Variants in TEX2 observed in about 807,000 individuals in gnomAD.
The protein encoded by TEX2 is testis-expressed protein 2.
A neutral mutation model predicts 106.9 loss-of-function variants in TEX2; 53 were observed. The ratio of observed to expected loss-of-function variants is 0.50; its 90% CI spans 0.40 to 0.62. The LOEUF (loss-of-function observed/expected upper bound fraction) is 0.62. Among genes scored for constraint, TEX2 ranks in the 20% least tolerant of loss-of-function variants. TEX2 has a pLI of 0.00. For synonymous variants in TEX2, 523 were observed against 534.8 expected (o/e 0.98, Z 0.30); for missense variants, 1,207 against 1,379.0 (o/e 0.88, Z 1.98).
At chr17:64,154,997 C>T in intron 8 of TEX2, 30 bp from the exon 9 acceptor site, 2 of 1,529,778 alleles carry the variant, frequency 1.3e-6, no homozygotes, top group Non-Finnish European at 1.7e-6. Flanking sequence ...CCACCACTGC[C>T]TGCCCTCACC....
chr17:64,213,498 G>A lies in TEX2; in HGVS notation c.720C>T (p.Ser240=). 1 of 1,614,126 alleles carries A rather than the reference G, an allele frequency of 6.2e-7. No individual in the cohort carries two copies. The highest frequency in any genetic ancestry group is 1.1e-5 in the South Asian group (1 of 91,086). Reference sequence around the variant, plus strand: ...GCTTGAACAGGTGTAAGTTCAGTTTGGAATCAGGTGGCTTATAGGACACTG... The same window carrying A: ...GCTTGAACAGGTGTAAGTTCAGTTTAGAATCAGGTGGCTTATAGGACACTG... ...SDTVSYKPPD[S]KLNLHLFKQF... Residue 240 remains serine (S), a synonymous_variant, in exon 2 of 12, where the codon TCC becomes TCT. Coordinates refer to ENST00000584379, the MANE Select transcript of TEX2 (RefSeq NM_001288732.2). This position sits in a 1 kb window ranked among gnomAD's most constrained non-coding sequence, Gnocchi z 4.4.
intron 8 of TEX2, chr17:64,155,819 C>A (rs12945779): frequency 0.44 from 67,603 of 151,938 alleles, 18,437 homozygotes; most frequent in East Asian, 0.82. Context: ...GACCTGGGGG[C>A]TTCTGGGCTG....
chr17:64,150,999 A>G (rs769736928), intron 10 of TEX2, 38 bp from the exon 11 acceptor site: 157 of 1,608,814 alleles, frequency 9.8e-5, no homozygotes, highest in Non-Finnish European at 1.5e-5. Context: ...TTAGAAGCAA[A>G]GCAAGGAATG....
intron 11 of TEX2, chr17:64,149,479 C>T (rs548136368): frequency 5.8e-4 from 93 of 161,176 alleles, no homozygotes; most frequent in African/African-American, 2.2e-3. Flanking sequence ...TAAATCCTAG[C>T]GATAAAATGT....
chr17:64,149,000 T>C lies in TEX2; in HGVS notation c.3353A>G (p.Asp1118Gly). 1 of 1,614,154 alleles carries C rather than the reference T, an allele frequency of 6.2e-7. No individual in the cohort carries two copies. Residue 1118 changes from aspartate (D) to glycine (G), a missense_variant, in exon 12 of 12, where the codon GAC becomes GGC. By Grantham distance (94) the Asp-to-Gly change is moderately conservative (BLOSUM62 -1). This residue lies in a region of TEX2 where 77 missense variants were observed against 73.2 expected (regional missense o/e 1.05). Transcript: ENST00000584379. ...CTGATCAGCAGCCTCCACAGGTGGG[T>C]CTTTCAGGAGGCAGGAAGTAGAGCG... ...DPRSTSCLLK[D>G]PPVEAADQP
Position 64,219,128 on chromosome 17 carries a change from A to G in TEX2, c.-25-4886T>C, listed in dbSNP as rs532271974. ...GACTAAGGACCAGCAGAAATAGAATATAACAGAAAAATAAGGACTTCAGAT... is the reference window on the plus strand; with the variant it reads ...GACTAAGGACCAGCAGAAATAGAATGTAACAGAAAAATAAGGACTTCAGAT... On this transcript the variant is annotated intron_variant, in intron 1 of 11. Transcript: ENST00000584379. Among the ~76,000 whole-genome samples, 12 of 152,342 alleles carry G rather than the reference A, an allele frequency of 7.9e-5. No homozygotes were observed. The South Asian group carries it at 2.1e-3, about 26-fold the overall frequency.
intron 1 of TEX2, among the ~76,000 whole-genome samples, chr17:64,243,601 C>T (rs191291626): frequency 6.6e-5 from 10 of 152,242 alleles, no homozygotes; most frequent in South Asian, 6.2e-4. Flanking sequence ...CCCAGCTGAA[C>T]GCTTTAACAC....
chr17:64,255,601 T>C (rs905305932), intron 1 of TEX2: 1 of 152,222 alleles, frequency 6.6e-6, no homozygotes, highest in African/African-American at 2.4e-5. Flanking sequence ...TTGAAAAACT[T>C]AGTCAATTAT....
At chr17:64,261,874 G>A (rs1487220456) in intron 1 of TEX2, among the ~76,000 whole-genome samples, 8 of 152,162 alleles carry the variant, frequency 5.3e-5, no homozygotes, top group African/African-American at 1.7e-4. Context: ...TAACAGAAAT[G>A]GCAGTTTCAT....
At chr17:64,232,175 C>A (rs1276072123) in intron 1 of TEX2, among the ~76,000 whole-genome samples, 2 of 152,156 alleles carry the variant, frequency 1.3e-5, no homozygotes, top group Non-Finnish European at 2.9e-5. Flanking sequence ...TAAATGAACA[C>A]AACAGGATCC....
At chr17:64,159,707 T>C (rs2030797487) in intron 8 of TEX2, among the ~76,000 whole-genome samples, 1 of 152,122 alleles carries the variant, frequency 6.6e-6, no homozygotes, top group Non-Finnish European at 1.5e-5. Flanking sequence ...CCAGAAAATA[T>C]AAATCCACAG....
intron 4 of TEX2, 172 bp from the exon 5 acceptor site, chr17:64,188,587 C>T (rs895926429): frequency 5.0e-5 from 51 of 1,012,068 alleles, no homozygotes; most frequent in South Asian, 3.2e-4. Flanking sequence ...GAGGCCGAGG[C>T]GGGCGGATCA....
chr17:64,245,458 C>T (rs2033968754), intron 1 of TEX2, among the ~76,000 whole-genome samples: 1 of 152,110 alleles, frequency 6.6e-6, no homozygotes, highest in Non-Finnish European at 1.5e-5. Context: ...AAGATTTTAG[C>T]CTCAAAATTC....
At position 64,236,909 on chromosome 17, in the gene TEX2, G is replaced by A. The variant is rs954470701; in HGVS notation, c.-25-22667C>T. 2.0e-5 allele frequency among the ~76,000 whole-genome samples: 3 copies of A among 152,294 alleles called. No homozygotes were observed. The South Asian group carries it at 6.2e-4, about 32-fold the overall frequency. ...TGGACACGTGGAATTTGAGCTCTGA[G>A]AGTGAAGGCAATGATTGAATATTCC... is the stretch of plus-strand genomic sequence containing the variant. On this transcript the variant is annotated intron_variant, in intron 1 of 11. Coordinates refer to ENST00000584379, the MANE Select transcript of TEX2 (RefSeq NM_001288732.2).
At chr17:64,173,808 AGG>A (rs747201927) in intron 6 of TEX2, among the ~76,000 whole-genome samples, 89 of 152,114 alleles carry the variant, frequency 5.9e-4, no homozygotes, top group Non-Finnish European at 1.0e-3. Flanking sequence ...GAGACTTCCA[AGG>A]GTGAGCCAGG....
At chr17:64,172,626 G>T (rs1273544831) in intron 6 of TEX2, among the ~76,000 whole-genome samples, 1 of 152,198 alleles carries the variant, frequency 6.6e-6, no homozygotes, top group Non-Finnish European at 1.5e-5. Context: ...CCACACAGCT[G>T]CCCTGTCCAA....
In TEX2 at chr17:64,239,875, CAAAAAAAAA is replaced by C. The variant is rs61705973; in HGVS notation, c.-26+23284_-26+23292del. ...TGGACAACAGAGTGAGACTCTGTCT[CAAAAAAAAA>C]AAAAAAAAAAAAAAAAAAAAGCAGA... On this transcript the variant is annotated intron_variant, in intron 1 of 11. Coordinates refer to ENST00000584379, the MANE Select transcript of TEX2 (RefSeq NM_001288732.2). 4.0e-4 allele frequency among the ~76,000 whole-genome samples: 12 copies of C among 29,648 alleles called. No homozygotes were observed. In the South Asian group the frequency reaches 0.026, roughly 64 times the overall value. The allele number at this position is 29,648 out of a possible 152,430, so 19.5% of individuals were successfully genotyped here. A position where few individuals can be genotyped will look rare whatever the true frequency, so the allele number is the denominator to read the frequency against.
intron 7 of TEX2, among the ~76,000 whole-genome samples, chr17:64,168,838 G>A (rs2031260031): frequency 6.6e-6 from 1 of 151,628 alleles, no homozygotes; most frequent in Non-Finnish European, 1.5e-5. Flanking sequence ...AGGAAGAAAG[G>A]TAGCAGCTGT....
intron 11 of TEX2, chr17:64,149,516 ACG>A (rs1434573844): frequency 6.3e-6 from 1 of 158,016 alleles, no homozygotes; most frequent in Non-Finnish European, 1.4e-5. Flanking sequence ...GCGATGGTTC[ACG>A]CCTGTAATCC....
Sources: allele counts gnomAD v4.1 joint callset (sites outside exome capture counted in the v4.1 genomes callset), GRCh38; gene constraint gnomAD v4.1.1; regional missense constraint gnomAD v4.1.1; non-coding constraint Gnocchi (gnomAD v3.1); transcripts MANE v1.5; gene names NCBI Gene and HGNC (gene_info 2026-07-23, HGNC 2026-07-21).